Variants in TMPRSS15 observed in about 807,000 individuals in gnomAD.
TMPRSS15 encodes the protein transmembrane serine protease 15, also known as enteropeptidase.
A neutral mutation model predicts 125.3 loss-of-function variants in TMPRSS15; 128 were observed. The ratio of observed to expected loss-of-function variants is 1.02; its 90% CI spans 0.89 to 1.18. TMPRSS15 has a LOEUF of 1.18. Ranked by LOEUF, TMPRSS15 falls within the 50% of genes most tolerant of loss-of-function variation. The pLI is 0.00. For missense variants in TMPRSS15, 1,283 were observed against 1,212.7 expected (o/e 1.06, Z -0.86); for synonymous variants, 446 against 423.2 (o/e 1.05, Z -0.66).
At chr21:18,328,281 G>T (rs1324271742) in intron 15 of TMPRSS15, among the ~76,000 whole-genome samples, 1 of 151,960 alleles carries the variant, frequency 6.6e-6, no homozygotes, top group Non-Finnish European at 1.5e-5. Flanking sequence ...AAATAAACTG[G>T]TCAATTTTTT....
Position 18,353,830 on chromosome 21 carries a change from C to A in TMPRSS15, c.914G>T (p.Arg305Ile), listed in dbSNP as rs780288119. 12 of 1,611,472 alleles carry A rather than the reference C, an allele frequency of 7.4e-6. No individual in the cohort carries two copies. The highest frequency in any genetic ancestry group is 1.0e-5 in the Non-Finnish European group (12 of 1,178,200). Residue 305 changes from arginine to isoleucine, a missense_variant, in exon 9 of 25, where the codon AGA (arginine) becomes ATA (isoleucine). Coordinates refer to ENST00000284885, the MANE Select transcript of TMPRSS15 (RefSeq NM_002772.3). Reference protein sequence around the residue: ...SIWETNPGTIRIFSNQVTATF... With the variant: ...SIWETNPGTIIIFSNQVTATF... ...GGCAGTAACTTGGTTGGAAAAAATT[C>A]TTATTGTGCCAGGATTAGTTTCCCA...
chr21:18,362,645 A>C (rs2075688747), intron 7 of TMPRSS15, among the ~76,000 whole-genome samples: 2 of 152,276 alleles, frequency 1.3e-5, no homozygotes, highest in Non-Finnish European at 2.9e-5. Flanking sequence ...GATTAAATTA[A>C]ATTTCTTTAA....
intron 24 of TMPRSS15, among the ~76,000 whole-genome samples, chr21:18,273,989 T>C (rs1365285184): frequency 6.6e-6 from 1 of 152,202 alleles, no homozygotes; most frequent in Non-Finnish European, 1.5e-5. Context: ...TGTGTTAATA[T>C]ATAAAATAAG....
chr21:18,395,893 T>A (rs1172533146), intron 3 of TMPRSS15, among the ~76,000 whole-genome samples: 1 of 152,214 alleles, frequency 6.6e-6, no homozygotes, highest in Admixed American at 6.5e-5. Context: ...TAGGTCGCAG[T>A]GTCTTGAAAA....
chr21:18,335,922 T>C (rs1255069649), intron 13 of TMPRSS15, among the ~76,000 whole-genome samples: 1 of 141,586 alleles, frequency 7.1e-6, no homozygotes, highest in Non-Finnish European at 1.5e-5. Context: ...ATTATATTCA[T>C]TTATAGTGTT....
In TMPRSS15 at chr21:18,353,692, A is replaced by T. The variant is rs758052366; in HGVS notation, c.1021+31T>A. ...CATCATAACATTAAAGCATCTAAAA[A>T]TTAAAAAGCCAAAAAATAAATAATA... is the stretch of plus-strand genomic sequence containing the variant. On this transcript the variant is annotated intron_variant, in intron 9 of 24. Transcript: ENST00000284885. The T allele has an allele frequency of 2.5e-6, 4 of 1,599,084 alleles. No homozygotes were observed. In the African/African-American group the frequency reaches 5.4e-5, roughly 22 times the overall value.
chr21:18,349,585 G>A (rs2075543169), intron 10 of TMPRSS15, among the ~76,000 whole-genome samples: 1 of 152,138 alleles, frequency 6.6e-6, no homozygotes, highest in Non-Finnish European at 1.5e-5. Context: ...TCAGAGATAG[G>A]ATGTTCTGAC....
intron 18 of TMPRSS15, among the ~76,000 whole-genome samples, chr21:18,300,799 T>TC (rs1052770455): frequency 3.9e-5 from 6 of 152,140 alleles, no homozygotes; most frequent in Admixed American, 3.3e-4. Flanking sequence ...CAGTGATTTT[T>TC]TTTTAAACAT....
At chr21:18,415,507 C>T (rs1751331871) in intron 1 of TMPRSS15, among the ~76,000 whole-genome samples, 1 of 152,028 alleles carries the variant, frequency 6.6e-6, no homozygotes, top group Admixed American at 6.5e-5. Context: ...AGTCTTTAGT[C>T]CATTTTTGTT....
chr21:18,405,017 G>A (rs1048730152), upstream of TMPRSS15, among the ~76,000 whole-genome samples: 4 of 152,000 alleles, frequency 2.6e-5, no homozygotes, highest in Admixed American at 2.6e-4. Flanking sequence ...CAGACCCTCT[G>A]ATAAAATTGG....
At chr21:18,430,431 G>T (rs1225813146) in intron 1 of TMPRSS15, among the ~76,000 whole-genome samples, 1 of 151,874 alleles carries the variant, frequency 6.6e-6, no homozygotes, top group Non-Finnish European at 1.5e-5. Context: ...ATTGGTGAAG[G>T]TGTTCACCTA....
chr21:18,271,551 C>T (rs1211771763), intron 24 of TMPRSS15, among the ~76,000 whole-genome samples: 1 of 152,074 alleles, frequency 6.6e-6, no homozygotes, highest in Non-Finnish European at 1.5e-5. Context: ...AACTATAACA[C>T]ATCAGTTTAG....
intron 16 of TMPRSS15, among the ~76,000 whole-genome samples, chr21:18,319,224 T>C (rs1206878878): frequency 1.3e-5 from 2 of 152,126 alleles, no homozygotes; most frequent in Non-Finnish European, 2.9e-5. Flanking sequence ...TCTTTGACCT[T>C]GGGCAAAGAA....
At chr21:18,365,104 T>A (rs1340124735) in intron 7 of TMPRSS15, 36 bp downstream of exon 7, 6 of 1,562,560 alleles carry the variant, frequency 3.8e-6, no homozygotes, top group Non-Finnish European at 5.3e-6. Flanking sequence ...AAACGCTTTA[T>A]GACTTAAGAA....
At chr21:18,410,864 G>T (rs184704440) in intron 1 of TMPRSS15, among the ~76,000 whole-genome samples, 3 of 152,062 alleles carry the variant, frequency 2.0e-5, no homozygotes, top group Non-Finnish European at 2.9e-5. Context: ...TCAACTTAAG[G>T]ATATATCAAC....
intron 1 of TMPRSS15, among the ~76,000 whole-genome samples, chr21:18,402,851 C>A (rs1391266131): frequency 2.0e-5 from 3 of 152,134 alleles, no homozygotes; most frequent in Admixed American, 2.0e-4. Context: ...GTTGTAGCTA[C>A]ACAATACATT....
intron 21 of TMPRSS15, among the ~76,000 whole-genome samples, chr21:18,283,585 CTA>C (rs967712602): frequency 6.6e-6 from 1 of 151,382 alleles, no homozygotes; most frequent in African/African-American, 2.4e-5. Flanking sequence ...TATTAATGAA[CTA>C]TTAATATTTG....
chr21:18,341,461 G>A lies in TMPRSS15; in HGVS notation c.1516C>T (p.Leu506Phe). ...GGCACCAAAGTTGGTTCTGGATAAA[G>A]ACTCCCATTGCAAATCCCATATGTT... ...SLTYGICNGS[L>F]YPEPTLVPTP... Residue 506 changes from leucine (L) to phenylalanine (F), a missense_variant, in exon 13 of 25, where the codon CTT becomes TTT. By Grantham distance (22) the Leu-to-Phe change is conservative. Coordinates refer to ENST00000284885, the MANE Select transcript of TMPRSS15 (RefSeq NM_002772.3). The A allele has an allele frequency of 6.2e-7, 1 of 1,614,142 alleles. No homozygotes were observed. Among genetic ancestry groups the A allele is most frequent in the Non-Finnish European group, 8.5e-7 (1 of 1,180,006 alleles).
At chr21:18,317,250 G>A (rs2075176708) in intron 16 of TMPRSS15, among the ~76,000 whole-genome samples, 2 of 152,044 alleles carry the variant, frequency 1.3e-5, no homozygotes, top group South Asian at 4.1e-4. Flanking sequence ...ACTCACATCT[G>A]AGAGTACTGA....
Sources: allele counts gnomAD v4.1 joint callset (sites outside exome capture counted in the v4.1 genomes callset), GRCh38; gene constraint gnomAD v4.1.1; transcripts MANE v1.5; gene names NCBI Gene and HGNC (gene_info 2026-07-23, HGNC 2026-07-21).